Variants in RFTN1 observed in about 807,000 individuals in gnomAD.
RFTN1 encodes raftlin, lipid raft linker 1.
Under a neutral mutation model 46.5 loss-of-function variants are expected in RFTN1, and 26 were observed. The observed-to-expected ratio is 0.56, with a 90% CI of 0.41 to 0.78. The LOEUF is 0.78. Among genes scored for constraint, RFTN1 ranks in the 30% least tolerant of loss-of-function variants. The probability of loss-of-function intolerance (pLI) is 0.00; values close to 1 mark genes in which losing one functional copy is unlikely to be tolerated. For missense variants in RFTN1, 693 were observed against 718.7 expected, an observed-to-expected ratio of 0.96 and a Z score of 0.41; for synonymous variants, 261 against 284.2, an observed-to-expected ratio of 0.92 and a Z score of 0.82.
In RFTN1 at chr3:16,327,377, A is replaced by G. The variant is rs983871680; in HGVS notation, c.1147-501T>C. Among the ~76,000 whole-genome samples, 17 of 152,168 alleles carry G rather than the reference A, an allele frequency of 1.1e-4. No individual in the cohort carries two copies. Among genetic ancestry groups the G allele is most frequent in the African/African-American group, 3.9e-4 (16 of 41,432 alleles). On this transcript the variant is annotated intron_variant, in intron 7 of 9. Coordinates refer to ENST00000334133, the MANE Select transcript of RFTN1 (RefSeq NM_015150.2). This position sits in a 1 kb window ranked among gnomAD's most constrained non-coding sequence, Gnocchi z 4.2. Reference sequence around the variant, plus strand: ...ACGCAGAAGCTGCTTTGCCTGTGTTATGTGCCCTGCCTTGCAGGGATAAAT... The same window carrying G: ...ACGCAGAAGCTGCTTTGCCTGTGTTGTGTGCCCTGCCTTGCAGGGATAAAT...
In RFTN1 at chr3:16,376,220, T is replaced by C. The variant is rs889774263; in HGVS notation, c.826+1498A>G. Among the ~76,000 whole-genome samples, 19 of 152,154 alleles carry C rather than the reference T, an allele frequency of 1.2e-4. No individual in the cohort carries two copies. Among genetic ancestry groups the C allele is most frequent in the Non-Finnish European group, 2.6e-4 (18 of 68,028 alleles). The stretch of plus-strand genomic sequence containing the variant: ...CAGCTCATACTCATGAGTCAAACAG[T>C]GCCGAGTGCTTTAAATGTACAACTT... On this transcript the variant is annotated intron_variant, in intron 5 of 9. Transcript: ENST00000334133. The surrounding 1 kb of genome is among the most constrained non-coding windows in gnomAD (Gnocchi z 4.7).
intron 4 of RFTN1, among the ~76,000 whole-genome samples, chr3:16,406,702 CTT>C (rs564348699): frequency 5.4e-4 from 82 of 152,328 alleles, no homozygotes; most frequent in African/African-American, 1.4e-3. Flanking sequence ...GAAACTGAGA[CTT>C]TGAGCAAAAT....
At position 16,426,902 on chromosome 3, in the gene RFTN1, G is replaced by A. The variant is rs1301476035; in HGVS notation, c.332+6949C>T. On this transcript the variant is annotated intron_variant, in intron 3 of 9. Transcript: ENST00000334133. This position sits in a 1 kb window ranked among gnomAD's most constrained non-coding sequence, Gnocchi z 5.9. ...TTGAGCAATATCTATTCAAGGCCTG[G>A]CACTCTGAGCAAGCAATGGGAATCC... Among the ~76,000 whole-genome samples, 1 of 152,160 alleles carries A rather than the reference G, an allele frequency of 6.6e-6. No homozygotes were observed. Among genetic ancestry groups the A allele is most frequent in the Non-Finnish European group, 1.5e-5 (1 of 68,032 alleles).
In RFTN1 at chr3:16,504,086, C is replaced by A. The variant is rs2076760042; in HGVS notation, c.-9+9356G>T. Among the ~76,000 whole-genome samples, 1 of 151,942 alleles carries A rather than the reference C, an allele frequency of 6.6e-6. No individual in the cohort carries two copies. Among genetic ancestry groups the A allele is most frequent in the Admixed American group, 6.6e-5 (1 of 15,246 alleles). ...TCTGAGGATTTCTCCGTTCACAGTG[C>A]CCTTAGTTTCTCTGTACATTTTTTA... On this transcript the variant is annotated intron_variant, in intron 1 of 9. Coordinates refer to ENST00000334133, the MANE Select transcript of RFTN1 (RefSeq NM_015150.2). This position sits in a 1 kb window ranked among gnomAD's most constrained non-coding sequence, Gnocchi z 4.4.
chr3:16,347,979 TAAG>T (rs1485905648), intron 7 of RFTN1: 1 of 152,160 alleles, frequency 6.6e-6, no homozygotes, highest in Non-Finnish European at 1.5e-5. Context: ...GACACAATTT[TAAG>T]AACATCCCGT....
chr3:16,510,107 G>A (rs1308729825), intron 1 of RFTN1, among the ~76,000 whole-genome samples: 2 of 152,192 alleles, frequency 1.3e-5, no homozygotes, highest in Non-Finnish European at 2.9e-5. Context: ...GACAATAAGA[G>A]GGGTGTTGAC....
At position 16,506,504 on chromosome 3, in the gene RFTN1, GTA is replaced by G. The variant is rs1172638332; in HGVS notation, c.-9+6936_-9+6937del. Among the ~76,000 whole-genome samples, 2 of 152,200 alleles carry G rather than the reference GTA, an allele frequency of 1.3e-5. No homozygotes were observed. Among genetic ancestry groups the G allele is most frequent in the East Asian group, 1.9e-4 (1 of 5,178 alleles). On this transcript the variant is annotated intron_variant, in intron 1 of 9. Transcript: ENST00000334133. The surrounding 1 kb of genome is among the most constrained non-coding windows in gnomAD (Gnocchi z 4.8). ...GAGGTGTGAGCAGTGGTCAAATTCT[GTA>G]TATGTTTTGAAGGCAGAAAACAGGA... is the stretch of plus-strand genomic sequence containing the variant.
intron 4 of RFTN1, among the ~76,000 whole-genome samples, chr3:16,391,789 G>C (rs2074345634): frequency 6.6e-6 from 1 of 150,574 alleles, no homozygotes; most frequent in South Asian, 2.1e-4. Flanking sequence ...TTTAAAAGCT[G>C]GATTGACCAT....
Position 16,404,319 on chromosome 3 carries a change from A to G in RFTN1, c.441+5056T>C, listed in dbSNP as rs1487924196. ...ATATAATATGTAATATATATTATAT[A>G]TAATATATAATATATAATATATATA... On this transcript the variant is annotated intron_variant, in intron 4 of 9. Transcript: ENST00000334133. Among the ~76,000 whole-genome samples the G allele has an allele frequency of 2.2e-4, 5 of 23,154 alleles. 1 individual carries two copies. The highest frequency in any genetic ancestry group is 3.5e-4 in the Non-Finnish European group (5 of 14,320). 15.2% of individuals were successfully genotyped at this position (23,154 alleles called of 152,430 possible). A position where few individuals can be genotyped will look rare whatever the true frequency, so the allele number is the denominator to read the frequency against.
chr3:16,408,278 A>G (rs2074907105), intron 4 of RFTN1, among the ~76,000 whole-genome samples: 1 of 151,984 alleles, frequency 6.6e-6, no homozygotes, highest in African/African-American at 2.4e-5. Flanking sequence ...TACCTTCCGG[A>G]TCCCCTTGCT....
rs1302949341 is a variant in RFTN1, at chr3:16,407,500, CAT to C, written c.441+1873_441+1874del. Among the ~76,000 whole-genome samples, 1 of 152,168 alleles carries C rather than the reference CAT, an allele frequency of 6.6e-6. No individual in the cohort carries two copies. Among genetic ancestry groups the C allele is most frequent in the African/African-American group, 2.4e-5 (1 of 41,428 alleles). On this transcript the variant is annotated intron_variant, in intron 4 of 9. Transcript: ENST00000334133. This position sits in a 1 kb window ranked among gnomAD's most constrained non-coding sequence, Gnocchi z 4.0. ...AGCCACTGTGCCCAGCCTCAAATCA[CAT>C]GTTTTTAAAAAGCATATTTGAGAGT... is the stretch of plus-strand genomic sequence containing the variant.
chr3:16,409,273 G>T, intron 4 of RFTN1, 102 bp downstream of exon 4: 1 of 763,758 alleles, frequency 1.3e-6, no homozygotes, highest in Non-Finnish European at 2.3e-6. Flanking sequence ...CTCTTGCATG[G>T]CCTCTTGAGT....
rs975133639 is a variant in RFTN1 at position 16,327,609 on chromosome 3, A to T, written c.1147-733T>A. 1.3e-5 allele frequency among the ~76,000 whole-genome samples: 2 copies of T among 151,956 alleles called. No individual in the cohort carries two copies. Among genetic ancestry groups the T allele is most frequent in the African/African-American group, 4.8e-5 (2 of 41,348 alleles). On this transcript the variant is annotated intron_variant, in intron 7 of 9. Coordinates refer to ENST00000334133, the MANE Select transcript of RFTN1 (RefSeq NM_015150.2). The surrounding 1 kb of genome is among the most constrained non-coding windows in gnomAD (Gnocchi z 4.2). The stretch of plus-strand genomic sequence containing the variant: ...CCCGTCTCTACTAAAAATACAAAAA[A>T]AATTAGCCAGGCCTGGTGGCGGGCG...
intron 7 of RFTN1, 93 bp from the exon 8 acceptor site, chr3:16,326,969 CAGAAA>C: frequency 1.1e-6 from 1 of 938,266 alleles, no homozygotes; most frequent in East Asian, 2.7e-5. Flanking sequence ...ATCCGCAAAA[CAGAAA>C]AGAAGTGGCG....
At chr3:16,437,615 C>G in intron 2 of RFTN1, among the ~76,000 whole-genome samples, 1 of 152,020 alleles carries the variant, frequency 6.6e-6, no homozygotes, top group South Asian at 2.1e-4. Context: ...GAGCTGAGAT[C>G]GCACCACTGC....
At chr3:16,324,713 T>TTCTC (rs10677895) in intron 8 of RFTN1, among the ~76,000 whole-genome samples, 1 of 144,608 alleles carries the variant, frequency 6.9e-6, no homozygotes, top group Admixed American at 7.0e-5. Context: ...CACATTTTCT[T>TTCTC]CATCCATCTG....
rs1276774490 is a variant in RFTN1 at position 16,481,078 on chromosome 3, G to GC, written c.145+12646_145+12647insG. On this transcript the variant is annotated intron_variant, in intron 2 of 9. Transcript: ENST00000334133. The surrounding 1 kb of genome is among the most constrained non-coding windows in gnomAD (Gnocchi z 5.1). ...CTGAGTAGTGTTGCTTCTTGGTCTG[G>GC]ATTTAGAGTAGCTGGGAAAACAGCA... is the stretch of plus-strand genomic sequence containing the variant. Among the ~76,000 whole-genome samples the GC allele has an allele frequency of 6.6e-6, 1 of 151,684 alleles. No individual in the cohort carries two copies. The highest frequency in any genetic ancestry group is 6.6e-5 in the Admixed American group (1 of 15,200).
rs2073696212 is a variant in RFTN1 at position 16,374,957 on chromosome 3, G to A, written c.826+2761C>T. ...CCTGCTTCCGCATGGAGAATCCACT[G>A]GAAAGTCCTGTCTGAGCAGGCATTG... is the stretch of plus-strand genomic sequence containing the variant. On this transcript the variant is annotated intron_variant, in intron 5 of 9. Coordinates refer to ENST00000334133, the MANE Select transcript of RFTN1 (RefSeq NM_015150.2). This position sits in a 1 kb window ranked among gnomAD's most constrained non-coding sequence, Gnocchi z 5.4. 6.6e-6 allele frequency among the ~76,000 whole-genome samples: 1 copy of A among 152,140 alleles called. No homozygotes were observed. Among genetic ancestry groups the A allele is most frequent in the Non-Finnish European group, 1.5e-5 (1 of 68,018 alleles).
chr3:16,473,603 C>G lies in RFTN1; in HGVS notation c.145+20122G>C, dbSNP rs1220587811. ...TTTTTTTTTAGTAGAAACGGAGTTT[C>G]ACCGTGTTGCCCAGGCTGGTCTGGA... On this transcript the variant is annotated intron_variant, in intron 2 of 9. Coordinates refer to ENST00000334133, the MANE Select transcript of RFTN1 (RefSeq NM_015150.2). This position sits in a 1 kb window ranked among gnomAD's most constrained non-coding sequence, Gnocchi z 5.3. Among the ~76,000 whole-genome samples, 6 of 152,154 alleles carry G rather than the reference C, an allele frequency of 3.9e-5. No individual in the cohort carries two copies. The highest frequency in any genetic ancestry group is 8.8e-5 in the Non-Finnish European group (6 of 67,986).
Sources: allele counts gnomAD v4.1 joint callset (sites outside exome capture counted in the v4.1 genomes callset), GRCh38; gene constraint gnomAD v4.1.1; non-coding constraint Gnocchi (gnomAD v3.1); transcripts MANE v1.5; gene names NCBI Gene and HGNC (gene_info 2026-07-23, HGNC 2026-07-21).